Variants in MAF observed in about 807,000 individuals in gnomAD.
MAF encodes the protein MAF bZIP transcription factor, also known as transcription factor Maf.
MAF carries 10 observed loss-of-function variants against 22.0 expected under a neutral mutation model. That is an observed-to-expected ratio of 0.45 (90% CI 0.28 to 0.77). The LOEUF (loss-of-function observed/expected upper bound fraction) is 0.77, where lower values mean the gene tolerates loss of function less well. Ranked by LOEUF, MAF falls within the 30% of genes least tolerant of loss-of-function variation. The pLI is 0.12. For synonymous variants in MAF, 337 were observed against 255.8 expected (o/e 1.32, Z -3.03); for missense variants, 544 against 548.4 (o/e 0.99, Z 0.08).
At chr16:79,550,123 G>A in the MAF span, among the ~76,000 whole-genome samples, 7 of 152,174 alleles carry the variant, frequency 4.6e-5, no homozygotes, top group Non-Finnish European at 8.8e-5. Flanking sequence ...GAGCCCTTTT[G>A]TTCCCCCAGG....
the MAF span, among the ~76,000 whole-genome samples, chr16:79,307,026 C>T: frequency 6.6e-6 from 1 of 152,212 alleles, no homozygotes. Flanking sequence ...TTCTGCACAT[C>T]ACTCAAATCC....
chr16:79,261,563 C>T, the MAF span, among the ~76,000 whole-genome samples: 460 of 152,242 alleles, frequency 3.0e-3, 3 homozygotes, highest in African/African-American at 0.01. Context: ...CCAAATAATC[C>T]GGGGGACTTC....
the MAF span, among the ~76,000 whole-genome samples, chr16:79,261,951 A>T: frequency 1.3e-5 from 2 of 152,196 alleles, no homozygotes; most frequent in East Asian, 3.9e-4. Context: ...TAAGTTGCTC[A>T]TATGGACTTT....
chr16:79,245,923 T>A, the MAF span, among the ~76,000 whole-genome samples: 1 of 151,986 alleles, frequency 6.6e-6, no homozygotes, highest in Non-Finnish European at 1.5e-5. Flanking sequence ...TGGATGAAGC[T>A]GAAAACCATC....
the MAF span, among the ~76,000 whole-genome samples, chr16:79,529,013 C>T: frequency 6.6e-6 from 1 of 152,196 alleles, no homozygotes; most frequent in African/African-American, 2.4e-5. Flanking sequence ...AAAAGGAGCT[C>T]GAGCTGTCAG....
At chr16:79,392,845 A>C in the MAF span, among the ~76,000 whole-genome samples, 1 of 152,158 alleles carries the variant, frequency 6.6e-6, no homozygotes, top group Non-Finnish European at 1.5e-5. Context: ...GCCAAACTCA[A>C]GAGATGCCTG....
the MAF span, among the ~76,000 whole-genome samples, chr16:79,532,886 C>T: frequency 2.6e-5 from 4 of 152,196 alleles, no homozygotes; most frequent in African/African-American, 9.7e-5. Flanking sequence ...CAGCTTTGCA[C>T]AGTTAAAATA....
At chr16:79,310,230 T>C in the MAF span, among the ~76,000 whole-genome samples, 1 of 152,098 alleles carries the variant, frequency 6.6e-6, no homozygotes, top group Admixed American at 6.5e-5. Context: ...GAGCGCAAAA[T>C]GCCCTCACGG....
chr16:79,424,781 T>C, the MAF span, among the ~76,000 whole-genome samples: 3 of 152,344 alleles, frequency 2.0e-5, no homozygotes, highest in South Asian at 4.1e-4. Flanking sequence ...TCTATCCTGA[T>C]ATACCTATGC....
chr16:79,443,471 G>T, the MAF span, among the ~76,000 whole-genome samples: 1 of 152,314 alleles, frequency 6.6e-6, no homozygotes, highest in Non-Finnish European at 1.5e-5. Context: ...GCTTCCTGGG[G>T]GCAGTGGTCT....
chr16:79,281,242 A>G, the MAF span, among the ~76,000 whole-genome samples: 1 of 150,454 alleles, frequency 6.6e-6, no homozygotes, highest in Non-Finnish European at 1.5e-5. Context: ...AAAAAAGGAC[A>G]TGGAGGGTAA....
At chr16:79,360,248 C>G in the MAF span, among the ~76,000 whole-genome samples, 1 of 152,182 alleles carries the variant, frequency 6.6e-6, no homozygotes, top group African/African-American at 2.4e-5. Flanking sequence ...TCCCCTCTGT[C>G]CTGCCTCATG....
chr16:79,570,195 G>A, the MAF span, among the ~76,000 whole-genome samples: 1 of 152,054 alleles, frequency 6.6e-6, no homozygotes, highest in African/African-American at 2.4e-5. Flanking sequence ...TGCTTTGGAT[G>A]GAAATAAGAT....
chr16:79,389,795 T>C, the MAF span, among the ~76,000 whole-genome samples: 5 of 150,988 alleles, frequency 3.3e-5, no homozygotes, highest in African/African-American at 1.2e-4. Flanking sequence ...GCTAACATGG[T>C]GAAACGCCCT....
the MAF span, among the ~76,000 whole-genome samples, chr16:79,339,507 A>G: frequency 6.6e-6 from 1 of 152,150 alleles, no homozygotes; most frequent in African/African-American, 2.4e-5. Context: ...GAAGAGAGCC[A>G]CTCTAACCAG....
chr16:79,596,380 C>T (rs1913525193), intron 1 of MAF: 2 of 1,058,838 alleles, frequency 1.9e-6, no homozygotes, highest in Non-Finnish European at 2.3e-6. Context: ...TCTCCCTATT[C>T]CTCCAGGAAT....
chr16:79,468,348 G>C, the MAF span, among the ~76,000 whole-genome samples: 4 of 152,186 alleles, frequency 2.6e-5, no homozygotes, highest in African/African-American at 4.8e-5. Flanking sequence ...CCTGTGTCCA[G>C]CCCTCAACTA....
At chr16:79,535,438 C>T in the MAF span, among the ~76,000 whole-genome samples, 6 of 150,828 alleles carry the variant, frequency 4.0e-5, no homozygotes, top group African/African-American at 1.2e-4. Context: ...AATTACAGTA[C>T]CGTGCTGAGT....
the MAF span, among the ~76,000 whole-genome samples, chr16:79,220,868 C>T: frequency 6.6e-6 from 1 of 152,180 alleles, no homozygotes; most frequent in South Asian, 2.1e-4. Context: ...AGTTTATTTT[C>T]CCCAGATGAC....
Sources: allele counts gnomAD v4.1 joint callset (sites outside exome capture counted in the v4.1 genomes callset), GRCh38; gene constraint gnomAD v4.1.1; transcripts MANE v1.5; gene names NCBI Gene and HGNC (gene_info 2026-07-23, HGNC 2026-07-21).